ITPR1: variants seen among roughly 807,000 people sequenced by gnomAD.
The protein encoded by ITPR1 is inositol 1,4,5-trisphosphate-gated calcium channel ITPR1.
A neutral mutation model predicts 318.4 loss-of-function variants in ITPR1; 96 were observed. The ratio of observed to expected loss-of-function variants is 0.30; its 90% CI spans 0.26 to 0.36. The LOEUF (loss-of-function observed/expected upper bound fraction) is 0.36. Among genes scored for constraint, ITPR1 ranks in the 10% least tolerant of loss-of-function variants. ITPR1 has a pLI of 1.00. For missense variants in ITPR1, 2,440 were observed against 3,460.2 expected, an observed-to-expected ratio of 0.71 and a Z score of 7.40; for synonymous variants, 1,312 against 1,289.9, an observed-to-expected ratio of 1.02 and a Z score of -0.37.
At chr3:4,846,084 G>A (rs1224616962) in intron 61 of ITPR1, 55 bp from the exon 62 acceptor site, 2 of 1,039,276 alleles carry the variant, frequency 1.9e-6, no homozygotes, top group African/African-American at 1.6e-5. Flanking sequence ...TTCAGTATGC[G>A]ATTTGACGTA....
At chr3:4,510,590 C>G (rs940342321) in intron 2 of ITPR1, among the ~76,000 whole-genome samples, 1 of 152,130 alleles carries the variant, frequency 6.6e-6, no homozygotes, top group Non-Finnish European at 1.5e-5. Context: ...TTACTGAATA[C>G]CTACTATGTG....
At chr3:4,677,454 G>A (rs770785859) in intron 24 of ITPR1, among the ~76,000 whole-genome samples, 5 of 152,196 alleles carry the variant, frequency 3.3e-5, no homozygotes, top group Non-Finnish European at 5.9e-5. Flanking sequence ...CCAGTACAGT[G>A]ACATGATTAC....
intron 55 of ITPR1, among the ~76,000 whole-genome samples, chr3:4,809,023 T>A (rs2048767820): frequency 6.6e-6 from 1 of 152,192 alleles, no homozygotes; most frequent in Admixed American, 6.5e-5. Context: ...AAAATGTTCA[T>A]CCTTGGTGCT....
chr3:4,796,534 A>G (rs1457052416), intron 53 of ITPR1, among the ~76,000 whole-genome samples: 1 of 152,184 alleles, frequency 6.6e-6, no homozygotes, highest in East Asian at 1.9e-4. Flanking sequence ...ACGGCAGATT[A>G]TTCAACCCTT....
chr3:4,593,089 G>A (rs1014217113), intron 4 of ITPR1, among the ~76,000 whole-genome samples: 1 of 152,164 alleles, frequency 6.6e-6, no homozygotes, highest in African/African-American at 2.4e-5. Flanking sequence ...TCTTCTTTTT[G>A]TGTGTGTGAT....
intron 53 of ITPR1, among the ~76,000 whole-genome samples, chr3:4,797,747 A>C (rs1446949114): frequency 6.6e-6 from 1 of 152,264 alleles, no homozygotes; most frequent in Middle Eastern, 3.2e-3. Flanking sequence ...TCTATCAGCC[A>C]GCTTTAACAA....
intron 4 of ITPR1, among the ~76,000 whole-genome samples, chr3:4,596,711 T>A (rs2090855118): frequency 6.6e-6 from 1 of 152,208 alleles, no homozygotes; most frequent in African/African-American, 2.4e-5. Context: ...TGATCAGAGC[T>A]GCTCGTTAGC....
intron 19 of ITPR1, among the ~76,000 whole-genome samples, 161 bp downstream of exon 19, chr3:4,669,934 C>A (rs1233128942): frequency 6.6e-6 from 1 of 152,138 alleles, no homozygotes; most frequent in African/African-American, 2.4e-5. Context: ...GGAGAATTCC[C>A]GAATTTGATT....
At chr3:4,513,723 T>C (rs1428973307) in intron 2 of ITPR1, among the ~76,000 whole-genome samples, 5 of 151,938 alleles carry the variant, frequency 3.3e-5, no homozygotes, top group African/African-American at 1.2e-4. Context: ...TCATCCGGAG[T>C]ATAAGAACAT....
chr3:4,814,769 C>G (rs1175490128), intron 58 of ITPR1: 21 of 619,176 alleles, frequency 3.4e-5, no homozygotes, highest in Non-Finnish European at 5.6e-5. Flanking sequence ...AAAGGGTTGG[C>G]TTTGGCTCTC....
chr3:4,778,769 C>T (rs2046636805), intron 48 of ITPR1, among the ~76,000 whole-genome samples: 1 of 152,088 alleles, frequency 6.6e-6, no homozygotes, highest in South Asian at 2.1e-4. Context: ...CCTGCGATAG[C>T]ATGATACCCT....
chr3:4,585,769 C>A (rs2089829337), intron 4 of ITPR1, among the ~76,000 whole-genome samples: 1 of 148,554 alleles, frequency 6.7e-6, no homozygotes, highest in Admixed American at 6.6e-5. Flanking sequence ...CTGTGTAATT[C>A]TTTTTTCTTT....
chr3:4,587,976 A>AT (rs35057069), intron 4 of ITPR1, among the ~76,000 whole-genome samples: 152,222 of 152,244 alleles, frequency 1, 76,100 homozygotes, highest in Middle Eastern at 1. Context: ...CCCTAAGCAT[A>AT]TTTACTGCCA....
At chr3:4,582,608 G>C (rs554599632) in intron 4 of ITPR1, among the ~76,000 whole-genome samples, 1 of 152,328 alleles carries the variant, frequency 6.6e-6, no homozygotes, top group South Asian at 2.1e-4. Flanking sequence ...TGCATGAAAA[G>C]GAAGTGGATA....
At chr3:4,510,220 G>A (rs144845253) in intron 2 of ITPR1, among the ~76,000 whole-genome samples, 15 of 152,200 alleles carry the variant, frequency 9.9e-5, no homozygotes, top group African/African-American at 3.6e-4. Flanking sequence ...GCATGGTGGG[G>A]GCCCTGGAAA....
intron 55 of ITPR1, among the ~76,000 whole-genome samples, chr3:4,806,738 T>G (rs1439094162): frequency 6.6e-6 from 1 of 152,068 alleles, no homozygotes; most frequent in Non-Finnish European, 1.5e-5. Flanking sequence ...CTCAGTAGAT[T>G]TATTGGTCTA....
intron 4 of ITPR1, among the ~76,000 whole-genome samples, chr3:4,554,001 C>G (rs940690209): frequency 2.6e-5 from 4 of 151,896 alleles, no homozygotes; most frequent in African/African-American, 2.4e-5. Context: ...CCTTGGCATC[C>G]CAAAGTGCTC....
intron 49 of ITPR1, 46 bp from the exon 50 acceptor site, chr3:4,782,573 G>A (rs2125397773): frequency 1.3e-6 from 2 of 1,567,022 alleles, no homozygotes; most frequent in East Asian, 2.3e-5. Context: ...GTCCTGTGTG[G>A]GTCTTCCTTG....
chr3:4,587,408 C>G (rs934852611), intron 4 of ITPR1, among the ~76,000 whole-genome samples: 5 of 151,854 alleles, frequency 3.3e-5, no homozygotes, highest in Non-Finnish European at 7.4e-5. Context: ...GTAGCTGGGA[C>G]TACAGGTGCA....
Sources: gnomAD v4.1 joint callset for allele counts (sites outside exome capture counted in the v4.1 genomes callset) on GRCh38, gnomAD v4.1.1 for gene constraint, MANE v1.5 for transcripts, NCBI Gene and HGNC (gene_info 2026-07-23, HGNC 2026-07-21) for gene names.